Variants in ZNF180 observed in about 807,000 individuals in gnomAD.
The protein encoded by ZNF180 is zinc finger protein 180, also known as zinc finger protein 180 (HHZ168).
A neutral mutation model predicts 11.8 loss-of-function variants in ZNF180; 11 were observed. That is an observed-to-expected ratio of 0.93 (90% CI 0.59 to 1.55). The LOEUF is 1.55. Among genes scored for constraint, ZNF180 ranks in the 40% most tolerant of loss-of-function variants. The probability of loss-of-function intolerance (pLI) is 0.00; values close to 1 mark genes in which losing one functional copy is unlikely to be tolerated. For missense variants in ZNF180, 773 were observed against 781.7 expected (o/e 0.99, Z 0.13); for synonymous variants, 287 against 257.7 (o/e 1.11, Z -1.09).
chr19:44,497,250 T>G (rs1407918994), intron 2 of ZNF180, 34 bp downstream of exon 2: 1 of 1,534,478 alleles, frequency 6.5e-7, no homozygotes, highest in Non-Finnish European at 8.7e-7. Context: ...AGGGTCAGGC[T>G]GCAGACAGAC....
chr19:44,480,312 T>C (rs767961484), intron 3 of ZNF180, among the ~76,000 whole-genome samples: 1 of 152,116 alleles, frequency 6.6e-6, no homozygotes, highest in Non-Finnish European at 1.5e-5. Context: ...AATATATTGC[T>C]TAGGCTGGTC....
intron 2 of ZNF180, 146 bp from the exon 3 acceptor site, chr19:44,484,581 T>C (rs765054451): frequency 6.9e-4 from 458 of 660,084 alleles, no homozygotes; most frequent in Middle Eastern, 7.3e-4. Context: ...CTCCTCCTAG[T>C]GGTAAGCTCC....
Position 44,479,290 on chromosome 19 carries a change from G to T in ZNF180, c.246C>A (p.Val82=), listed in dbSNP as rs772324445. The T allele has an allele frequency of 2.5e-6, 4 of 1,613,766 alleles. No homozygotes were observed. In the South Asian group the frequency reaches 3.3e-5, roughly 13 times the overall value. The stretch of plus-strand genomic sequence containing the variant: ...AGAGGAGTGTATTCTTACCCCAAGA[G>T]ACTAGGTCCCTGTGGTTCTCCAGGA... ...DVILENHRDL[V]SWDLATAVGK... Residue 82 remains valine, a synonymous_variant, in exon 4 of 5, where the codon GTC becomes GTA. Transcript: ENST00000592529.
chr19:44,500,099 G>T, intron 1 of ZNF180, 176 bp downstream of exon 1: 1 of 1,558,818 alleles, frequency 6.4e-7, no homozygotes, highest in African/African-American at 1.3e-5. Context: ...GCAGAGGACA[G>T]TCGCGGAATA....
At chr19:44,500,102 G>C in intron 1 of ZNF180, 173 bp downstream of exon 1, 2 of 1,567,848 alleles carry the variant, frequency 1.3e-6, no homozygotes, top group Admixed American at 3.3e-5. Context: ...GAGGACAGTC[G>C]CGGAATATAC....
At chr19:44,497,556 C>A (rs555812948) in intron 1 of ZNF180, among the ~76,000 whole-genome samples, 179 bp from the exon 2 acceptor site, 3 of 152,200 alleles carry the variant, frequency 2.0e-5, no homozygotes, top group Middle Eastern at 3.4e-3. Context: ...TCCCTCAGTC[C>A]CTCTCCCAGG....
At chr19:44,479,974 A>T (rs1970036172) in intron 3 of ZNF180, among the ~76,000 whole-genome samples, 1 of 152,250 alleles carries the variant, frequency 6.6e-6, no homozygotes, top group Non-Finnish European at 1.5e-5. Context: ...TGAGACAGAA[A>T]ATGAAATGTG....
At chr19:44,488,884 C>A (rs1970327541) in intron 2 of ZNF180, among the ~76,000 whole-genome samples, 1 of 151,484 alleles carries the variant, frequency 6.6e-6, no homozygotes, top group Non-Finnish European at 1.5e-5. Context: ...GTCGCCCCAT[C>A]TGAGAAGTGA....
rs749172910 is a variant in ZNF180 at position 44,479,374 on chromosome 19, G to A, written c.162C>T (p.Phe54=). 2 of 1,613,998 alleles carry A rather than the reference G, an allele frequency of 1.2e-6. No individual in the cohort carries two copies. Among genetic ancestry groups the A allele is most frequent in the South Asian group, 1.1e-5 (1 of 91,066 alleles). The change falls in exon 4 of 5, where the codon TTC becomes TTT. Residue 54 remains phenylalanine, a synonymous_variant. Coordinates refer to ENST00000592529, the MANE Select transcript of ZNF180 (RefSeq NM_001278509.3). ...GVNFKIVTVD[F]TREEQGTCNP... is the part of the protein sequence containing the mutation. Reference sequence around the variant, plus strand: ...TGCAAGTACCCTGTTCCTCCCGTGTGAAGTCCACAGTCACAATTTTGAAGT... The same window carrying A: ...TGCAAGTACCCTGTTCCTCCCGTGTAAAGTCCACAGTCACAATTTTGAAGT...
At chr19:44,490,054 A>C in intron 2 of ZNF180, among the ~76,000 whole-genome samples, 2 of 131,822 alleles carry the variant, frequency 1.5e-5, no homozygotes, top group South Asian at 2.6e-4. Context: ...AGGGAAGGGA[A>C]AGAGGGAAAG....
In ZNF180 at chr19:44,500,454, G is replaced by C. The variant is rs1482958520; in HGVS notation, c.-223C>G. The stretch of plus-strand genomic sequence containing the variant: ...GTCAGCATCCGCAAGGCCGCTGGGG[G>C]TTAAGTCTGAAGGGCCGAGCTGCTC... On this transcript the variant is annotated 5_prime_UTR_variant, in exon 1 of 5. Coordinates refer to ENST00000592529, the MANE Select transcript of ZNF180 (RefSeq NM_001278509.3). 3.4e-6 allele frequency: 2 copies of C among 595,838 alleles called. No homozygotes were observed. The highest frequency in any genetic ancestry group is 3.0e-6 in the Non-Finnish European group (1 of 336,916). The allele number at this position is 595,838 out of a possible 1,614,324, so 36.9% of individuals were successfully genotyped here.
rs748763478 is a variant in ZNF180 at position 44,479,266 on chromosome 19, G to T, written c.253+17C>A. ...TTTCAGTAGATGGATCTTCATTAAA[G>T]AGGAGTGTATTCTTACCCCAAGAGA... On this transcript the variant is annotated intron_variant, in intron 4 of 4. Coordinates refer to ENST00000592529, the MANE Select transcript of ZNF180 (RefSeq NM_001278509.3). 1.2e-6 allele frequency: 2 copies of T among 1,606,154 alleles called. No individual in the cohort carries two copies.
At chr19:44,483,046 A>G (rs1970123821) in intron 3 of ZNF180, among the ~76,000 whole-genome samples, 1 of 152,224 alleles carries the variant, frequency 6.6e-6, no homozygotes, top group South Asian at 2.1e-4. Flanking sequence ...CCACCTTTTG[A>G]ATCACAAATA....
rs1225793699 is a variant in ZNF180 at position 44,498,055 on chromosome 19, C to T, written c.-43-678G>A. ...CACTTCTGGGGTCCACTGGCTCCTA[C>T]TCGAACAGCACCAGCCAGATTCCCA... On this transcript the variant is annotated intron_variant, in intron 1 of 4. Coordinates refer to ENST00000592529, the MANE Select transcript of ZNF180 (RefSeq NM_001278509.3). Among the ~76,000 whole-genome samples the T allele has an allele frequency of 1.8e-4, 28 of 152,146 alleles. 1 individual carries two copies. Among genetic ancestry groups the T allele is most frequent in the Admixed American group, 1.8e-3 (28 of 15,286 alleles).
intron 3 of ZNF180, among the ~76,000 whole-genome samples, chr19:44,480,551 A>G (rs2571049): frequency 0.62 from 93,750 of 152,080 alleles, 30,041 homozygotes; most frequent in East Asian, 0.89. Context: ...CAGCAATTAC[A>G]GGCTGAGTAT....
At position 44,488,211 on chromosome 19, in the gene ZNF180, CCACGGTCTCCCTCTCCCTCTCCCTCTCT is replaced by C. The variant is rs1970294541; in HGVS notation, c.52-3804_52-3777del. 1.6e-4 allele frequency among the ~76,000 whole-genome samples: 7 copies of C among 44,054 alleles called. No individual in the cohort carries two copies. The Admixed American group carries it at 2.3e-3, about 14-fold the overall frequency. 28.9% of individuals were successfully genotyped at this position (44,054 alleles called of 152,430 possible). On this transcript the variant is annotated intron_variant, in intron 2 of 4. Transcript: ENST00000592529. ...CCACGGTCTCCCTCTCCCTCTCTTT[CCACGGTCTCCCTCTCCCTCTCCCTCTCT>C]TTCCACGGTCTCCCTCTCCCTCTCT...
chr19:44,498,226 C>A (rs890750395), intron 1 of ZNF180, among the ~76,000 whole-genome samples: 5 of 152,128 alleles, frequency 3.3e-5, no homozygotes, highest in African/African-American at 1.2e-4. Flanking sequence ...CAAAAGCAGC[C>A]CTACCCAGGC....
At chr19:44,496,907 C>T (rs1470498984) in intron 2 of ZNF180, among the ~76,000 whole-genome samples, 5 of 152,076 alleles carry the variant, frequency 3.3e-5, no homozygotes, top group African/African-American at 1.2e-4. Flanking sequence ...TTTGCATTAT[C>T]ATCAGTTTCA....
intron 1 of ZNF180, among the ~76,000 whole-genome samples, chr19:44,499,599 G>A (rs1371982586): frequency 6.6e-6 from 1 of 152,088 alleles, no homozygotes; most frequent in African/African-American, 2.4e-5. Flanking sequence ...GACGTGCAGG[G>A]GGCCCTCTGC....
Sources: allele counts gnomAD v4.1 joint callset (sites outside exome capture counted in the v4.1 genomes callset), GRCh38; gene constraint gnomAD v4.1.1; transcripts MANE v1.5; gene names NCBI Gene and HGNC (gene_info 2026-07-23, HGNC 2026-07-21).